GPC5: variants seen among roughly 807,000 people sequenced by gnomAD.
The protein encoded by GPC5 is glypican 5, also known as glypican-5.
In GPC5, 47 loss-of-function variants were observed where a neutral mutation model predicts 53.9. That is an observed-to-expected ratio of 0.87 (90% CI 0.69 to 1.11). The LOEUF (loss-of-function observed/expected upper bound fraction) is 1.11, where lower values mean the gene tolerates loss of function less well. GPC5 is among the 50% of genes most tolerant of loss of function. GPC5 has a pLI of 0.00. For synonymous variants in GPC5, 286 were observed against 263.3 expected (o/e 1.09, Z -0.84); for missense variants, 748 against 713.1 (o/e 1.05, Z -0.56).
chr13:91,808,967 A>AAAATATAGAT (rs2038267932), intron 5 of GPC5, among the ~76,000 whole-genome samples: 1 of 152,196 alleles, frequency 6.6e-6, no homozygotes, highest in Non-Finnish European at 1.5e-5. Flanking sequence ...GAATAATCAG[A>AAAATATAGAT]AAATATAGAT....
chr13:92,515,843 T>C (rs1013679769), intron 7 of GPC5, among the ~76,000 whole-genome samples: 2 of 152,132 alleles, frequency 1.3e-5, no homozygotes, highest in Non-Finnish European at 2.9e-5. Context: ...TTCTAAAACA[T>C]GAAAATAAAG....
At chr13:91,682,652 A>T (rs1286211050) in intron 2 of GPC5, among the ~76,000 whole-genome samples, 3 of 152,158 alleles carry the variant, frequency 2.0e-5, no homozygotes, top group Non-Finnish European at 4.4e-5. Context: ...ATTCATGAGC[A>T]CCCAGGAAAG....
chr13:92,738,771 G>A (rs1190421231), intron 7 of GPC5, among the ~76,000 whole-genome samples: 5 of 151,984 alleles, frequency 3.3e-5, no homozygotes, highest in Admixed American at 2.6e-4. Context: ...AATTCTGTAG[G>A]ATTTTCCGTG....
chr13:92,513,496 T>C (rs1208347750), intron 7 of GPC5, among the ~76,000 whole-genome samples: 1 of 151,116 alleles, frequency 6.6e-6, no homozygotes, highest in Non-Finnish European at 1.5e-5. Flanking sequence ...TTAAGGCATA[T>C]AAGACATCTT....
chr13:92,073,387 C>T (rs1419332057), intron 6 of GPC5, among the ~76,000 whole-genome samples: 1 of 152,202 alleles, frequency 6.6e-6, no homozygotes, highest in Non-Finnish European at 1.5e-5. Flanking sequence ...CAGGAAGCAT[C>T]ATTTTATATA....
At chr13:91,520,339 G>A (rs1885736677) in intron 2 of GPC5, among the ~76,000 whole-genome samples, 1 of 152,198 alleles carries the variant, frequency 6.6e-6, no homozygotes, top group Admixed American at 6.5e-5. Flanking sequence ...CCCCAGATGT[G>A]TGGGTAAACA....
At chr13:91,782,595 G>A (rs1362353458) in intron 5 of GPC5, among the ~76,000 whole-genome samples, 1 of 152,130 alleles carries the variant, frequency 6.6e-6, no homozygotes, top group Non-Finnish European at 1.5e-5. Context: ...CCCTTGACAC[G>A]TGGGGATTAC....
intron 7 of GPC5, among the ~76,000 whole-genome samples, chr13:92,672,999 G>A (rs7335988): frequency 0.65 from 99,315 of 151,896 alleles, 32,717 homozygotes; most frequent in South Asian, 0.73. Flanking sequence ...AAGTTTACCT[G>A]TGTAACACAC....
chr13:91,763,557 A>C (rs889800981), intron 5 of GPC5, among the ~76,000 whole-genome samples: 1 of 152,218 alleles, frequency 6.6e-6, no homozygotes, highest in Non-Finnish European at 1.5e-5. Flanking sequence ...AGTTTCAGAT[A>C]TAAGGGACTA....
intron 1 of GPC5, among the ~76,000 whole-genome samples, chr13:91,431,632 A>G (rs1253751373): frequency 2.0e-5 from 3 of 152,306 alleles, no homozygotes; most frequent in East Asian, 1.9e-4. Flanking sequence ...AAAAAATCCA[A>G]TTGGTTCTGT....
chr13:92,398,428 C>CAAAAAAAAAAAAAAAAAAAAAA (rs35873316), intron 7 of GPC5, among the ~76,000 whole-genome samples: 28 of 87,622 alleles, frequency 3.2e-4, no homozygotes, highest in East Asian at 1.3e-3. Flanking sequence ...GACTCCGTCT[C>CAAAAAAAAAAAAAAAAAAAAAA]AAAAAAAAAA....
intron 5 of GPC5, among the ~76,000 whole-genome samples, chr13:91,807,400 A>G (rs2038239248): frequency 1.3e-5 from 2 of 152,196 alleles, no homozygotes; most frequent in South Asian, 4.1e-4. Flanking sequence ...TCATGCATGT[A>G]AGTAGAGGAG....
intron 7 of GPC5, among the ~76,000 whole-genome samples, chr13:92,657,203 A>G (rs1404015415): frequency 6.6e-6 from 1 of 152,226 alleles, no homozygotes; most frequent in Non-Finnish European, 1.5e-5. Flanking sequence ...CAGTAACTCA[A>G]TTTATTATTT....
In GPC5 at chr13:91,718,159, G is replaced by A. The variant is rs141729376; in HGVS notation, c.1021-10373G>A. On this transcript the variant is annotated intron_variant, in intron 3 of 7. Transcript: ENST00000377067. ...GGAGTCTCTCTCTGTAGCCCAGGCTGGAGTGCAGTGGCGCGATCTCGGCTC... is the reference window on the plus strand; with the variant it reads ...GGAGTCTCTCTCTGTAGCCCAGGCTAGAGTGCAGTGGCGCGATCTCGGCTC... Among the ~76,000 whole-genome samples the A allele has an allele frequency of 9.7e-3, 1,472 of 151,910 alleles. 20 individuals carry two copies. Among genetic ancestry groups the A allele is most frequent in the African/African-American group, 0.034 (1,397 of 41,410 alleles).
chr13:92,737,766 C>CTTTTTTTTTTTTTTTTTTTT (rs33914729), intron 7 of GPC5, among the ~76,000 whole-genome samples: 19 of 102,118 alleles, frequency 1.9e-4, no homozygotes, highest in East Asian at 6.5e-4. Context: ...TTTTCTTTTT[C>CTTTTTTTTTTTTTTTTTTTT]TTTTTTTTTT....
intron 2 of GPC5, among the ~76,000 whole-genome samples, chr13:91,531,789 T>A (rs965560565): frequency 6.6e-6 from 1 of 152,234 alleles, no homozygotes; most frequent in African/African-American, 2.4e-5. Flanking sequence ...ACTTTGGATC[T>A]GACTTTTCAC....
intron 2 of GPC5, among the ~76,000 whole-genome samples, chr13:91,459,310 GAAATAAA>G (rs1003626777): frequency 2.0e-5 from 3 of 151,806 alleles, no homozygotes; most frequent in African/African-American, 7.3e-5. Flanking sequence ...ATAATAAAAT[GAAATAAA>G]AAATAAAATA....
intron 3 of GPC5, among the ~76,000 whole-genome samples, chr13:91,723,426 T>C (rs1358233627): frequency 6.6e-6 from 1 of 152,052 alleles, no homozygotes; most frequent in Non-Finnish European, 1.5e-5. Flanking sequence ...GAGCTGTCTT[T>C]TAGAAATTAC....
intron 2 of GPC5, among the ~76,000 whole-genome samples, chr13:91,497,261 A>G (rs1162408462): frequency 6.6e-6 from 1 of 152,084 alleles, no homozygotes; most frequent in East Asian, 1.9e-4. Context: ...GTAGGTAATT[A>G]TGTGTCAGCT....
Sources: gnomAD v4.1 joint callset for allele counts (sites outside exome capture counted in the v4.1 genomes callset) on GRCh38, gnomAD v4.1.1 for gene constraint, MANE v1.5 for transcripts, NCBI Gene and HGNC (gene_info 2026-07-23, HGNC 2026-07-21) for gene names.